The following SMYD3 variants were observed in gnomAD, a reference collection of about 807,000 sequenced individuals.
SMYD3 encodes histone-lysine N-methyltransferase SMYD3.
A neutral mutation model predicts 57.7 loss-of-function variants in SMYD3; 36 were observed. That is an observed-to-expected ratio of 0.62 (90% CI 0.48 to 0.82). The LOEUF (loss-of-function observed/expected upper bound fraction) is 0.82. Ranked by LOEUF, SMYD3 falls within the 40% of genes least tolerant of loss-of-function variation. The pLI, the probability that SMYD3 is intolerant of heterozygous loss-of-function variation, is 0.00. For missense variants in SMYD3, 515 were observed against 538.8 expected, an observed-to-expected ratio of 0.96 and a Z score of 0.44; for synonymous variants, 211 against 195.0, an observed-to-expected ratio of 1.08 and a Z score of -0.68.
chr1:246,318,024 A>T (rs947528039), intron 5 of SMYD3, among the ~76,000 whole-genome samples: 1 of 152,242 alleles, frequency 6.6e-6, no homozygotes, highest in East Asian at 1.9e-4. Context: ...CTTGAATCTT[A>T]TCATGATATT....
At chr1:245,849,683 C>T (rs1297812925) in intron 10 of SMYD3, among the ~76,000 whole-genome samples, 8 of 151,908 alleles carry the variant, frequency 5.3e-5, no homozygotes, top group African/African-American at 1.2e-4. Context: ...GACAGGGTCT[C>T]GCTCAGTCAC....
chr1:245,947,195 A>C (rs945309713), intron 5 of SMYD3, among the ~76,000 whole-genome samples: 1 of 152,166 alleles, frequency 6.6e-6, no homozygotes, highest in African/African-American at 2.4e-5. Context: ...CGCCATTCCC[A>C]AATTAATGCC....
chr1:246,295,003 A>G lies in SMYD3; in HGVS notation c.531+32198T>C, dbSNP rs759418199. On this transcript the variant is annotated intron_variant, in intron 5 of 11. Transcript: ENST00000490107. ...TTACATGAGATAATACATAAATCTA[A>G]TATGTTGCATATTACTTATGTCTGT... Among the ~76,000 whole-genome samples, 166 of 152,286 alleles carry G rather than the reference A, an allele frequency of 1.1e-3. 1 individual carries two copies. The highest frequency in any genetic ancestry group is 1.7e-3 in the Non-Finnish European group (119 of 68,004).
chr1:246,030,419 T>C (rs1558165325), intron 5 of SMYD3, among the ~76,000 whole-genome samples: 1 of 152,094 alleles, frequency 6.6e-6, no homozygotes, highest in African/African-American at 2.4e-5. Context: ...GGCTGGGAAA[T>C]GGAAGAATGG....
At chr1:246,242,356 G>C (rs10924604) in intron 5 of SMYD3, among the ~76,000 whole-genome samples, 4 of 152,038 alleles carry the variant, frequency 2.6e-5, no homozygotes, top group Non-Finnish European at 5.9e-5. Context: ...GTACCCAGTA[G>C]TCATTCAGGA....
chr1:246,246,278 T>C (rs2063702478), intron 5 of SMYD3, among the ~76,000 whole-genome samples: 1 of 152,200 alleles, frequency 6.6e-6, no homozygotes, highest in Non-Finnish European at 1.5e-5. Context: ...TACGGTATGA[T>C]CCTTGATCTT....
Position 246,355,533 on chromosome 1 carries a change from G to A in SMYD3, c.165-439C>T, listed in dbSNP as rs2065898633. Among the ~76,000 whole-genome samples the A allele has an allele frequency of 1.3e-5, 2 of 152,168 alleles. No homozygotes were observed. Among genetic ancestry groups the A allele is most frequent in the African/African-American group, 4.8e-5 (2 of 41,446 alleles). ...TGCCTGCTTGCTCAGCAGGGAGGCT[G>A]GCGGTCTGGGGCAAGTTCTCAGCCA... On this transcript the variant is annotated intron_variant, in intron 1 of 11. Transcript: ENST00000490107. The surrounding 1 kb of genome is among the most constrained non-coding windows in gnomAD (Gnocchi z 5.0).
intron 10 of SMYD3, among the ~76,000 whole-genome samples, chr1:245,798,903 A>G (rs565373261): frequency 1.3e-5 from 2 of 152,132 alleles, no homozygotes; most frequent in East Asian, 1.9e-4. Context: ...ACCATGCCTT[A>G]GTGTTCCCGG....
chr1:246,068,285 C>CAAA (rs71726233), intron 5 of SMYD3, among the ~76,000 whole-genome samples: 2 of 114,594 alleles, frequency 1.7e-5, no homozygotes, highest in African/African-American at 5.8e-5. Flanking sequence ...TACAGGTCAG[C>CAAA]AAAAAAAAAA....
chr1:245,972,730 T>G (rs1016371504), intron 5 of SMYD3, among the ~76,000 whole-genome samples: 8 of 152,234 alleles, frequency 5.3e-5, no homozygotes, highest in Admixed American at 3.3e-4. Flanking sequence ...CTGGCCCTGC[T>G]GGGCTCCTTT....
At chr1:245,848,962 G>C (rs1276908385) in intron 10 of SMYD3, among the ~76,000 whole-genome samples, 1 of 131,318 alleles carries the variant, frequency 7.6e-6, no homozygotes, top group East Asian at 3.9e-4. Flanking sequence ...AATGGATTCT[G>C]AAGACAGATC....
At position 245,937,438 on chromosome 1, in the gene SMYD3, C is replaced by T. The variant is rs549768779; in HGVS notation, c.532-7501G>A. Among the ~76,000 whole-genome samples, 3 of 152,342 alleles carry T rather than the reference C, an allele frequency of 2.0e-5. No individual in the cohort carries two copies. The South Asian group carries it at 6.2e-4, about 32-fold the overall frequency. ...AATAGCAAAATAGTCACATATTTGT[C>T]CACTGTTCCTTCCCTGAGGCTCTTA... is the stretch of plus-strand genomic sequence containing the variant. On this transcript the variant is annotated intron_variant, in intron 5 of 11. Coordinates refer to ENST00000490107, the MANE Select transcript of SMYD3 (RefSeq NM_001167740.2).
At chr1:246,391,993 T>A (rs1022398014) in intron 1 of SMYD3, among the ~76,000 whole-genome samples, 1 of 152,200 alleles carries the variant, frequency 6.6e-6, no homozygotes, top group African/African-American at 2.4e-5. Context: ...TCCCTCCAGT[T>A]TCAGCTTATC....
chr1:246,077,452 C>T (rs10924492), intron 5 of SMYD3, among the ~76,000 whole-genome samples: 13,343 of 151,910 alleles, frequency 0.088, 1,772 homozygotes, highest in African/African-American at 0.29. Context: ...CTGTCTAAGC[C>T]AAGATGGCAA....
intron 5 of SMYD3, among the ~76,000 whole-genome samples, chr1:246,200,512 A>G (rs1014796159): frequency 6.6e-6 from 1 of 152,070 alleles, no homozygotes; most frequent in African/African-American, 2.4e-5. Context: ...AGAATAGTGT[A>G]GACGCTGAGA....
At chr1:246,118,277 T>A (rs991216133) in intron 5 of SMYD3, among the ~76,000 whole-genome samples, 2 of 152,168 alleles carry the variant, frequency 1.3e-5, no homozygotes, top group Non-Finnish European at 2.9e-5. Context: ...TTTAAGGTTA[T>A]TCAAAGAGTG....
rs556616277 is a variant in SMYD3, at chr1:246,056,324, G to GA, written c.532-126388dup. On this transcript the variant is annotated intron_variant, in intron 5 of 11. Transcript: ENST00000490107. The stretch of plus-strand genomic sequence containing the variant: ...TATTTCATAGGAAGCAGGAGAAAAA[G>GA]AAAAAAACGGAGGGAGTGCGGGCAG... Among the ~76,000 whole-genome samples the GA allele has an allele frequency of 2.6e-3, 391 of 151,918 alleles. 3 individuals are homozygous for GA. Among genetic ancestry groups the GA allele is most frequent in the African/African-American group, 8.4e-3 (349 of 41,450 alleles).
chr1:246,165,882 G>C (rs1271296454), intron 5 of SMYD3, among the ~76,000 whole-genome samples: 1 of 152,018 alleles, frequency 6.6e-6, no homozygotes, highest in African/African-American at 2.4e-5. Flanking sequence ...CTCTACATTA[G>C]GGTGAGAGGA....
chr1:245,935,838 C>A (rs1161021877), intron 5 of SMYD3, among the ~76,000 whole-genome samples: 1 of 152,140 alleles, frequency 6.6e-6, no homozygotes, highest in Admixed American at 6.5e-5. Context: ...AAAAGTCAAA[C>A]TCATAGTAAT....
Sources: allele counts gnomAD v4.1 joint callset (sites outside exome capture counted in the v4.1 genomes callset), GRCh38; gene constraint gnomAD v4.1.1; non-coding constraint Gnocchi (gnomAD v3.1); transcripts MANE v1.5; gene names NCBI Gene and HGNC (gene_info 2026-07-23, HGNC 2026-07-21).